KAZN: variants seen among roughly 807,000 people sequenced by gnomAD.
KAZN encodes the protein kazrin, periplakin interacting protein, also known as kazrin.
A neutral mutation model predicts 87.4 loss-of-function variants in KAZN; 40 were observed. The ratio of observed to expected loss-of-function variants is 0.46; its 90% CI spans 0.36 to 0.60. The LOEUF (loss-of-function observed/expected upper bound fraction) is 0.60, where lower values mean the gene tolerates loss of function less well. KAZN is among the 20% of genes least tolerant of loss of function. KAZN has a pLI of 0.00. For missense variants in KAZN, 898 were observed against 1,073.9 expected, an observed-to-expected ratio of 0.84 and a Z score of 2.29; for synonymous variants, 466 against 458.3, an observed-to-expected ratio of 1.02 and a Z score of -0.22.
At chr1:14,746,245 C>T (rs888323415) in intron 1 of KAZN, among the ~76,000 whole-genome samples, 5 of 147,476 alleles carry the variant, frequency 3.4e-5, no homozygotes, top group African/African-American at 9.8e-5. Context: ...GATTCCCCTA[C>T]CAAGTTCGTC....
intron 4 of KAZN, among the ~76,000 whole-genome samples, 156 bp from the exon 5 acceptor site, chr1:15,055,935 G>C (rs1197130227): frequency 3.3e-5 from 5 of 152,252 alleles, no homozygotes; most frequent in Non-Finnish European, 7.3e-5. Context: ...CTGCGGGGCA[G>C]GCGCTTGACT....
chr1:15,109,450 G>A (rs1399770267), intron 13 of KAZN, among the ~76,000 whole-genome samples: 3 of 152,132 alleles, frequency 2.0e-5, no homozygotes, highest in Non-Finnish European at 4.4e-5. Context: ...TGTTTTACTC[G>A]CACCAGAACA....
At position 15,117,553 on chromosome 1, in the gene KAZN, C is replaced by G. The variant is rs1267956043; in HGVS notation, c.*2918C>G. The G allele has an allele frequency of 2.6e-5, 4 of 152,448 alleles. No individual in the cohort carries two copies. Among genetic ancestry groups the G allele is most frequent in the African/African-American group, 9.6e-5 (4 of 41,454 alleles). The allele number at this position is 152,448 out of a possible 1,614,324, so 9.4% of individuals were successfully genotyped here. ...AAGTGGAGAGAAGGGCGTCTCTACACAGCCCGGCCAGCGTGGAGGGCCCCA... is the reference window on the plus strand; with the variant it reads ...AAGTGGAGAGAAGGGCGTCTCTACAGAGCCCGGCCAGCGTGGAGGGCCCCA... On this transcript the variant is annotated 3_prime_UTR_variant, in exon 15 of 15. Coordinates refer to ENST00000376030, the MANE Select transcript of KAZN (RefSeq NM_201628.3).
chr1:14,512,791 CA>C (rs572268960), intron 2 of KAZN, among the ~76,000 whole-genome samples: 11 of 152,206 alleles, frequency 7.2e-5, no homozygotes, highest in Non-Finnish European at 1.6e-4. Flanking sequence ...CAGATTTTCT[CA>C]TTCCTATTCA....
chr1:14,399,344 G>A (rs1663182717), intron 2 of KAZN, among the ~76,000 whole-genome samples: 1 of 152,088 alleles, frequency 6.6e-6, no homozygotes, highest in Admixed American at 6.6e-5. Flanking sequence ...CAGCTAATTT[G>A]TTGATAAATT....
Position 14,773,734 on chromosome 1 carries a change from G to A in KAZN, c.226+174511G>A, listed in dbSNP as rs1317512341. Among the ~76,000 whole-genome samples, 3 of 152,164 alleles carry A rather than the reference G, an allele frequency of 2.0e-5. No individual in the cohort carries two copies. The highest frequency in any genetic ancestry group is 1.5e-5 in the Non-Finnish European group (1 of 68,040). Reference sequence around the variant, plus strand: ...TTAGCCTGGCAGTGCTGCTAATGAGGCCTCTGTGGCCTGGGCTTCCGGGGC... The same window carrying A: ...TTAGCCTGGCAGTGCTGCTAATGAGACCTCTGTGGCCTGGGCTTCCGGGGC... On this transcript the variant is annotated intron_variant, in intron 1 of 14. Coordinates refer to ENST00000376030, the MANE Select transcript of KAZN (RefSeq NM_201628.3). This position sits in a 1 kb window ranked among gnomAD's most constrained non-coding sequence, Gnocchi z 5.9.
intron 1 of KAZN, among the ~76,000 whole-genome samples, chr1:14,137,701 CTTTTTTTTTTTTTTT>C (rs35819477): frequency 4.6e-5 from 3 of 65,064 alleles, no homozygotes; most frequent in African/African-American, 2.0e-4. Flanking sequence ...AAATATAAGG[CTTTTTTTTTTTTTTT>C]TTTTTTTTTG....
chr1:14,503,020 C>A (rs186281433), intron 2 of KAZN, among the ~76,000 whole-genome samples: 20 of 152,078 alleles, frequency 1.3e-4, no homozygotes, highest in African/African-American at 4.6e-4. Context: ...TCTTTCAGAC[C>A]CAAATGAATG....
chr1:14,858,209 C>CTTTTTTTTTTTTTTTTTTTTTTTTTTTT lies in KAZN; in HGVS notation c.227-102471_227-102470insTTTTTTTTTTTTTTTTTTTTTTTTTTTT, dbSNP rs762613728. On this transcript the variant is annotated intron_variant, in intron 1 of 14. Coordinates refer to ENST00000376030, the MANE Select transcript of KAZN (RefSeq NM_201628.3). Reference sequence around the variant, plus strand: ...CTTTCTTTTTTTCTTTTTTCTTTTTCTTTTCTTTTTTTTTTTTTTTTGAGA... The same window carrying CTTTTTTTTTTTTTTTTTTTTTTTTTTTT: ...CTTTCTTTTTTTCTTTTTTCTTTTTCTTTTTTTTTTTTTTTTTTTTTTTTTTTTTTTTCTTTTTTTTTTTTTTTTGAGA... 1.1e-3 allele frequency among the ~76,000 whole-genome samples: 122 copies of CTTTTTTTTTTTTTTTTTTTTTTTTTTTT among 115,890 alleles called. 12 individuals are homozygous for CTTTTTTTTTTTTTTTTTTTTTTTTTTTT. Among genetic ancestry groups the CTTTTTTTTTTTTTTTTTTTTTTTTTTTT allele is most frequent in the African/African-American group, 1.7e-3 (46 of 26,402 alleles). The allele number at this position is 115,890 out of a possible 152,430, so 76.0% of individuals were successfully genotyped here.
chr1:14,890,335 A>G (rs1479526563), intron 1 of KAZN, among the ~76,000 whole-genome samples: 1 of 152,114 alleles, frequency 6.6e-6, no homozygotes, highest in Non-Finnish European at 1.5e-5. Context: ...CTGATGGGAA[A>G]TCTCTCCACT....
At chr1:13,984,860 T>G (rs1260625478) in intron 1 of KAZN, among the ~76,000 whole-genome samples, 1 of 152,220 alleles carries the variant, frequency 6.6e-6, no homozygotes, top group African/African-American at 2.4e-5. Context: ...TTCAATAGTT[T>G]TTATTCTATA....
intron 1 of KAZN, among the ~76,000 whole-genome samples, chr1:13,979,881 T>C (rs934940798): frequency 7.1e-6 from 1 of 140,654 alleles, no homozygotes; most frequent in Non-Finnish European, 1.5e-5. Context: ...CAGTGAGCCA[T>C]GATCGTGCCA....
At chr1:15,012,434 C>G (rs1423913922) in intron 2 of KAZN, among the ~76,000 whole-genome samples, 1 of 152,156 alleles carries the variant, frequency 6.6e-6, no homozygotes, top group Non-Finnish European at 1.5e-5. Context: ...GGTTGGAGAA[C>G]AGTTGGTACC....
chr1:15,055,133 G>T (rs186272746), intron 4 of KAZN, among the ~76,000 whole-genome samples: 2 of 152,262 alleles, frequency 1.3e-5, no homozygotes, highest in East Asian at 3.9e-4. Context: ...TCTTACAATC[G>T]GACTTGAATC....
At chr1:15,024,637 C>A (rs921266123) in intron 2 of KAZN, among the ~76,000 whole-genome samples, 1 of 152,188 alleles carries the variant, frequency 6.6e-6, no homozygotes, top group Admixed American at 6.5e-5. Context: ...ACAGCAGCAG[C>A]CAGGCTAATA....
In KAZN at chr1:15,094,966, G is replaced by A. The variant is rs1475642666; in HGVS notation, c.1547+33G>A. The A allele has an allele frequency of 1.4e-6, 2 of 1,467,972 alleles. No homozygotes were observed. Among genetic ancestry groups the A allele is most frequent in the African/African-American group, 1.4e-5 (1 of 71,290 alleles). 90.9% of individuals were successfully genotyped at this position (1,467,972 alleles called of 1,614,324 possible). ...CACCACGAGGGGCCCCGGGGGAGGAGAGAAAAAGTCATCCTGAGGCCTTTG... is the reference window on the plus strand; with the variant it reads ...CACCACGAGGGGCCCCGGGGGAGGAAAGAAAAAGTCATCCTGAGGCCTTTG... On this transcript the variant is annotated intron_variant, in intron 10 of 14. Transcript: ENST00000376030. The surrounding 1 kb of genome is among the most constrained non-coding windows in gnomAD (Gnocchi z 4.5).
At chr1:14,926,867 T>G (rs1163573791) in intron 1 of KAZN, among the ~76,000 whole-genome samples, 1 of 151,516 alleles carries the variant, frequency 6.6e-6, no homozygotes, top group Non-Finnish European at 1.5e-5. Flanking sequence ...GATGGGAGAG[T>G]CTGTGAATTG....
intron 1 of KAZN, among the ~76,000 whole-genome samples, chr1:14,070,854 A>G (rs571591187): frequency 2.6e-5 from 4 of 152,160 alleles, no homozygotes; most frequent in Non-Finnish European, 5.9e-5. Context: ...GCCACAGACC[A>G]TGCCTTATCT....
At chr1:14,367,554 CA>C (rs1183232754) in intron 2 of KAZN, among the ~76,000 whole-genome samples, 1 of 152,172 alleles carries the variant, frequency 6.6e-6, no homozygotes. Context: ...ACCATGGTCC[CA>C]GGCTTGAGGG....
Sources: allele counts gnomAD v4.1 joint callset (sites outside exome capture counted in the v4.1 genomes callset), GRCh38; gene constraint gnomAD v4.1.1; non-coding constraint Gnocchi (gnomAD v3.1); transcripts MANE v1.5; gene names NCBI Gene and HGNC (gene_info 2026-07-23, HGNC 2026-07-21).